The following MIAT variants were observed in gnomAD, a reference collection of about 807,000 sequenced individuals.
The protein encoded by MIAT is MI related novel mRNA.
chr22:26,654,698 A>G lies in MIAT; in HGVS notation n.646+7387A>G, dbSNP rs114932605. Among the ~76,000 whole-genome samples, 1,067 of 151,620 alleles carry G rather than the reference A, an allele frequency of 7.0e-3. 8 individuals carry two copies. Among genetic ancestry groups the G allele is most frequent in the African/African-American group, 0.023 (963 of 41,478 alleles). ...ACAGGGCAAGACCTTGTCTCAAAAC[A>G]TTTATTTATTTATTTATTTTTAAAT... is the stretch of plus-strand genomic sequence containing the variant. On this transcript the variant is annotated intron_variant and non_coding_transcript_variant, in intron 2 of 5. Transcript: ENST00000643270.
chr22:26,668,104 G>A (rs973385348), intron 5 of MIAT: 2 of 398,314 alleles, frequency 5.0e-6, no homozygotes, highest in African/African-American at 2.1e-5. Context: ...GGGGATGTGG[G>A]AAGTTGGGGA....
downstream of MIAT, chr22:26,671,451 C>T (rs1458689551): frequency 2.0e-5 from 8 of 398,752 alleles, no homozygotes; most frequent in East Asian, 7.1e-5. Flanking sequence ...GACGCTGTGG[C>T]GTGTGACGAG....
chr22:26,668,934 A>G, exon 6 of MIAT: 1 of 398,658 alleles, frequency 2.5e-6, no homozygotes, highest in Non-Finnish European at 4.4e-6. Flanking sequence ...GGCTAGGGAA[A>G]TTCACTAGAA....
chr22:26,662,626 G>A (rs1187471556), intron 2 of MIAT, among the ~76,000 whole-genome samples: 1 of 152,144 alleles, frequency 6.6e-6, no homozygotes, highest in African/African-American at 2.4e-5. Context: ...TGTCTCCTGC[G>A]AGGCGCGTGG....
At chr22:26,656,360 TGTCACCCGG>T (rs1439840448) in intron 2 of MIAT, among the ~76,000 whole-genome samples, 1 of 150,424 alleles carries the variant, frequency 6.6e-6, no homozygotes, top group African/African-American at 2.5e-5. Flanking sequence ...GTCTGGCTCT[TGTCACCCGG>T]GCTAGAGTAC....
At chr22:26,661,923 T>C (rs1174185104) in intron 2 of MIAT, among the ~76,000 whole-genome samples, 1 of 18,032 alleles carries the variant, frequency 5.5e-5, no homozygotes, top group Non-Finnish European at 8.8e-5. Flanking sequence ...GATCCATATA[T>C]ATATATATAT....
intron 2 of MIAT, chr22:26,657,501 G>C (rs1001903288): frequency 2.5e-6 from 1 of 398,678 alleles, no homozygotes; most frequent in Non-Finnish European, 4.4e-6. Flanking sequence ...AGACGACGCC[G>C]GCTGCGCTCG....
exon 6 of MIAT, chr22:26,668,536 G>T (rs1930934198): frequency 2.5e-6 from 1 of 399,012 alleles, no homozygotes; most frequent in South Asian, 1.3e-4. Context: ...TTCTGCCGGT[G>T]ACCAGACAGA....
chr22:26,670,235 T>C (rs2146018205), downstream of MIAT: 1 of 398,530 alleles, frequency 2.5e-6, no homozygotes, highest in Non-Finnish European at 4.4e-6. Flanking sequence ...ATTTAAATTC[T>C]ACTCTCTCAT....
exon 5 of MIAT, chr22:26,674,811 G>A (rs1318874479): frequency 1.3e-5 from 5 of 398,538 alleles, no homozygotes; most frequent in Non-Finnish European, 2.2e-5. Context: ...ACTCCTCTTT[G>A]TTTAACTGCA....
chr22:26,660,749 C>G (rs1263077756), intron 2 of MIAT: 1 of 152,162 alleles, frequency 6.6e-6, no homozygotes. Flanking sequence ...GGATTACACT[C>G]TTTGAATTTA....
chr22:26,675,883 C>T, exon 5 of MIAT: 1 of 398,584 alleles, frequency 2.5e-6, no homozygotes, highest in Non-Finnish European at 4.4e-6. Context: ...CTTTTGTTCC[C>T]AGAGGCAGAA....
At chr22:26,662,731 C>T (rs776332016) in intron 2 of MIAT, among the ~76,000 whole-genome samples, 18 of 152,226 alleles carry the variant, frequency 1.2e-4, no homozygotes, top group African/African-American at 3.1e-4. Flanking sequence ...CTCAGATCTC[C>T]GAGTAGTCAT....
chr22:26,648,889 AAGAGAG>A (rs1174670135), intron 2 of MIAT, among the ~76,000 whole-genome samples: 1 of 149,520 alleles, frequency 6.7e-6, no homozygotes. Context: ...TTGAGAGAGA[AAGAGAG>A]AGAGAGAGTG....
intron 2 of MIAT, among the ~76,000 whole-genome samples, chr22:26,658,568 A>G (rs529093534): frequency 2.0e-5 from 3 of 152,284 alleles, no homozygotes; most frequent in Admixed American, 6.5e-5. Flanking sequence ...TTGGGAAGAA[A>G]GGGGCCAGAC....
At chr22:26,653,344 C>G (rs1030292655) in intron 2 of MIAT, among the ~76,000 whole-genome samples, 3 of 152,218 alleles carry the variant, frequency 2.0e-5, no homozygotes, top group Non-Finnish European at 4.4e-5. Context: ...CCGAGTCCAT[C>G]TGAGTTACAG....
chr22:26,668,325 G>C (rs983541781), exon 6 of MIAT: 4 of 398,540 alleles, frequency 1.0e-5, no homozygotes, highest in African/African-American at 8.2e-5. Context: ...TGTTGGGATG[G>C]AGCCTCCCAT....
downstream of MIAT, chr22:26,673,001 G>A (rs1024619509): frequency 1.0e-5 from 4 of 398,518 alleles, no homozygotes; most frequent in Non-Finnish European, 1.8e-5. Context: ...AGTAGACGTG[G>A]GGCCGTGACC....
intron 2 of MIAT, chr22:26,657,633 G>T: frequency 2.5e-6 from 1 of 398,756 alleles, no homozygotes; most frequent in Non-Finnish European, 4.4e-6. Flanking sequence ...CTGCACTAGC[G>T]CCGCAGGACC....
Sources: gnomAD v4.1 joint callset for allele counts (sites outside exome capture counted in the v4.1 genomes callset) on GRCh38, gnomAD v4.1.1 for gene constraint, MANE v1.5 for transcripts, NCBI Gene and HGNC (gene_info 2026-07-23, HGNC 2026-07-21) for gene names.